The following DDX60 variants were observed in gnomAD, a reference collection of about 807,000 sequenced individuals.
DDX60 encodes probable ATP-dependent RNA helicase DDX60.
DDX60 carries 165 observed loss-of-function variants against 212.8 expected under a neutral mutation model. The ratio of observed to expected loss-of-function variants is 0.78; its 90% CI spans 0.68 to 0.88. The LOEUF is 0.88. Among genes scored for constraint, DDX60 ranks in the 40% least tolerant of loss-of-function variants. The probability of loss-of-function intolerance (pLI) is 0.00; values close to 1 mark genes in which losing one functional copy is unlikely to be tolerated. For synonymous variants in DDX60, 703 were observed against 685.3 expected (o/e 1.03, Z -0.40); for missense variants, 1,905 against 2,003.9 (o/e 0.95, Z 0.94).
chr4:168,237,841 G>T, intron 30 of DDX60, 46 bp from the exon 31 acceptor site: 2 of 1,373,000 alleles, frequency 1.5e-6, no homozygotes, highest in South Asian at 1.3e-5. Flanking sequence ...TAAGTGTTAC[G>T]AAATACGTTT....
At chr4:168,279,652 A>C (rs946678539) in intron 14 of DDX60, among the ~76,000 whole-genome samples, 1 of 152,254 alleles carries the variant, frequency 6.6e-6, no homozygotes, top group Non-Finnish European at 1.5e-5. Flanking sequence ...AGTTAGGAAA[A>C]TAATTCATGC....
At chr4:168,285,182 T>C (rs1236624232) in intron 11 of DDX60, among the ~76,000 whole-genome samples, 1 of 152,212 alleles carries the variant, frequency 6.6e-6, no homozygotes, top group Non-Finnish European at 1.5e-5. Flanking sequence ...AATATGCAGC[T>C]GTAGTGATTT....
chr4:168,239,528 C>T (rs1324318063), intron 30 of DDX60, among the ~76,000 whole-genome samples: 3 of 152,080 alleles, frequency 2.0e-5, no homozygotes, highest in Non-Finnish European at 4.4e-5. Context: ...CTCTATTTAA[C>T]TGAATAAGGA....
intron 33 of DDX60, among the ~76,000 whole-genome samples, chr4:168,229,392 AG>A (rs1329706666): frequency 3.3e-5 from 5 of 152,248 alleles, no homozygotes; most frequent in African/African-American, 9.6e-5. Context: ...TTTGTCTCAC[AG>A]GGGTCCTTGG....
chr4:168,313,312 T>C (rs1161724934), intron 1 of DDX60, among the ~76,000 whole-genome samples: 3 of 152,202 alleles, frequency 2.0e-5, no homozygotes, highest in African/African-American at 7.2e-5. Flanking sequence ...ATCAGTTTAA[T>C]GCATAAAGTT....
intron 26 of DDX60, among the ~76,000 whole-genome samples, chr4:168,253,412 G>A (rs966252908): frequency 3.9e-5 from 6 of 152,194 alleles, no homozygotes; most frequent in South Asian, 2.1e-4. Context: ...TGCTACAGCT[G>A]CTTTGAGTTG....
intron 1 of DDX60, among the ~76,000 whole-genome samples, chr4:168,316,179 G>A (rs1024824345): frequency 1.3e-5 from 2 of 152,136 alleles, no homozygotes; most frequent in African/African-American, 4.8e-5. Flanking sequence ...ATGGTACTTC[G>A]AATTTACAAA....
intron 6 of DDX60, among the ~76,000 whole-genome samples, chr4:168,294,322 G>C (rs1318068262): frequency 6.6e-6 from 1 of 151,970 alleles, no homozygotes; most frequent in African/African-American, 2.4e-5. Context: ...AGAAAACATA[G>C]GAGGAAAGCT....
chr4:168,244,657 G>A (rs545259057), intron 30 of DDX60, among the ~76,000 whole-genome samples: 13 of 152,084 alleles, frequency 8.5e-5, no homozygotes, highest in Admixed American at 6.5e-5. Context: ...CCTGGGAGGC[G>A]GAGGTTGCAG....
intron 30 of DDX60, among the ~76,000 whole-genome samples, chr4:168,241,195 T>C (rs558721341): frequency 1.4e-4 from 21 of 152,332 alleles, no homozygotes; most frequent in African/African-American, 5.1e-4. Context: ...TGTAAGTCCA[T>C]TAAAACTCTT....
At chr4:168,280,083 A>G (rs532646285) in intron 14 of DDX60, among the ~76,000 whole-genome samples, 3 of 152,162 alleles carry the variant, frequency 2.0e-5, no homozygotes, top group Non-Finnish European at 4.4e-5. Flanking sequence ...AAACTTTATC[A>G]TAGGTATGTA....
intron 1 of DDX60, among the ~76,000 whole-genome samples, chr4:168,312,249 G>A (rs1737167357): frequency 6.6e-6 from 1 of 152,124 alleles, no homozygotes; most frequent in Admixed American, 6.6e-5. Flanking sequence ...TACGTGTCAG[G>A]AAAAGATTAT....
At chr4:168,241,949 G>A (rs191727569) in intron 30 of DDX60, among the ~76,000 whole-genome samples, 4 of 152,222 alleles carry the variant, frequency 2.6e-5, no homozygotes, top group South Asian at 2.1e-4. Flanking sequence ...CCCAGGGTTC[G>A]TCTGCTGTGT....
At chr4:168,272,218 G>A in intron 18 of DDX60, 80 bp from the exon 19 acceptor site, 1 of 1,111,670 alleles carries the variant, frequency 9.0e-7, no homozygotes, top group Non-Finnish European at 1.3e-6. Flanking sequence ...ATGTAAGATA[G>A]ACTTATGAGT....
chr4:168,283,300 G>T, intron 13 of DDX60, 146 bp downstream of exon 13: 1 of 679,048 alleles, frequency 1.5e-6, no homozygotes, highest in Non-Finnish European at 2.4e-6. Flanking sequence ...AGAGGTAAAA[G>T]AATAAGTAAT....
chr4:168,272,204 G>T, intron 18 of DDX60, 66 bp from the exon 19 acceptor site: 2 of 1,243,572 alleles, frequency 1.6e-6, no homozygotes, highest in Non-Finnish European at 2.3e-6. Flanking sequence ...ATATTTACAG[G>T]AATATGTAAG....
At chr4:168,236,566 C>G (rs1733638137) in intron 32 of DDX60, among the ~76,000 whole-genome samples, 193 bp from the exon 33 acceptor site, 1 of 151,810 alleles carries the variant, frequency 6.6e-6, no homozygotes, top group Admixed American at 6.6e-5. Context: ...GCTACCTATA[C>G]CCTAATTTAG....
Position 168,276,091 on chromosome 4 carries a change from T to G in DDX60, c.2069A>C (p.Asp690Ala), listed in dbSNP as rs1296894145. Reference sequence around the variant, plus strand: ...GCATCTGGCTATGAGTTGCCGATCATCTTCTTGTAAAAGTTCTGAGTATTT... The same window carrying G: ...GCATCTGGCTATGAGTTGCCGATCAGCTTCTTGTAAAAGTTCTGAGTATTT... ...MEKYSELLQE[D>A]DRQLIARCLK... The change falls in exon 15 of 38, where the codon GAT becomes GCT. Residue 690 changes from aspartate to alanine, a missense_variant. By Grantham distance (126) the Asp-to-Ala change is moderately radical. Transcript: ENST00000393743. 1 of 1,613,710 alleles carries G rather than the reference T, an allele frequency of 6.2e-7. No individual in the cohort carries two copies. Among genetic ancestry groups the G allele is most frequent in the African/African-American group, 1.3e-5 (1 of 74,922 alleles).
chr4:168,288,428 T>C (rs1382858593), intron 8 of DDX60, 113 bp from the exon 9 acceptor site: 2 of 696,820 alleles, frequency 2.9e-6, no homozygotes, highest in Non-Finnish European at 2.3e-6. Flanking sequence ...CCAATCCTTG[T>C]TTAGGCAAGC....
Sources: allele counts gnomAD v4.1 joint callset (sites outside exome capture counted in the v4.1 genomes callset), GRCh38; gene constraint gnomAD v4.1.1; transcripts MANE v1.5; gene names NCBI Gene and HGNC (gene_info 2026-07-23, HGNC 2026-07-21).